The following MYLK4 variants were observed in gnomAD, a reference collection of about 807,000 sequenced individuals.
The protein encoded by MYLK4 is caMLCK like.
In MYLK4, 46 loss-of-function variants were observed where a neutral mutation model predicts 48.1. The ratio of observed to expected loss-of-function variants is 0.96; its 90% CI spans 0.75 to 1.22. The LOEUF (loss-of-function observed/expected upper bound fraction) is 1.22, where lower values mean the gene tolerates loss of function less well. Ranked by LOEUF, MYLK4 falls within the 50% of genes most tolerant of loss-of-function variation. The probability of loss-of-function intolerance (pLI) is 0.00; values close to 1 mark genes in which losing one functional copy is unlikely to be tolerated. For missense variants in MYLK4, 451 were observed against 486.1 expected (o/e 0.93, Z 0.68); for synonymous variants, 170 against 180.8 (o/e 0.94, Z 0.48).
chr6:2,674,268 A>T (rs953109866), intron 11 of MYLK4, among the ~76,000 whole-genome samples: 4 of 152,200 alleles, frequency 2.6e-5, no homozygotes, highest in African/African-American at 9.7e-5. Context: ...CCACACATAG[A>T]CTTGTATAGA....
chr6:2,718,254 C>T (rs1762943325), intron 2 of MYLK4, among the ~76,000 whole-genome samples: 1 of 151,672 alleles, frequency 6.6e-6, no homozygotes, highest in Admixed American at 6.6e-5. Context: ...GGTCTCCAAA[C>T]CTACACCAAG....
At chr6:2,689,613 C>T (rs1231391785) in intron 3 of MYLK4, among the ~76,000 whole-genome samples, 1 of 152,214 alleles carries the variant, frequency 6.6e-6, no homozygotes, top group East Asian at 1.9e-4. Flanking sequence ...TCAGCACCAG[C>T]TCTAACATAC....
chr6:2,766,998 C>T, the MYLK4 span, among the ~76,000 whole-genome samples: 2 of 152,086 alleles, frequency 1.3e-5, no homozygotes, highest in African/African-American at 2.4e-5. Flanking sequence ...ATTGATTTTA[C>T]TAAATATACT....
intron 2 of MYLK4, among the ~76,000 whole-genome samples, chr6:2,699,207 GATAATTTTACTT>G (rs1420321626): frequency 2.7e-5 from 4 of 150,912 alleles, no homozygotes; most frequent in Non-Finnish European, 5.9e-5. Flanking sequence ...AAGATGCACG[GATAATTTTACTT>G]TATTTTATTA....
chr6:2,687,051 C>T (rs1278558729), intron 4 of MYLK4, among the ~76,000 whole-genome samples: 2 of 152,150 alleles, frequency 1.3e-5, no homozygotes, highest in African/African-American at 4.8e-5. Flanking sequence ...ACAGTGATAA[C>T]CTTATGCTCA....
intron 2 of MYLK4, among the ~76,000 whole-genome samples, chr6:2,746,714 A>AG (rs1764105816): frequency 6.6e-6 from 1 of 152,218 alleles, no homozygotes; most frequent in East Asian, 1.9e-4. Flanking sequence ...ATGAGAGAGA[A>AG]AGGGGAATAG....
chr6:2,768,704 A>T, the MYLK4 span: 2 of 1,610,128 alleles, frequency 1.2e-6, no homozygotes, highest in African/African-American at 2.7e-5. Context: ...ACTCTGGCTC[A>T]CATCATAGCC....
the MYLK4 span, among the ~76,000 whole-genome samples, chr6:2,763,337 C>T: frequency 1.3e-5 from 2 of 152,276 alleles, no homozygotes; most frequent in Admixed American, 6.5e-5. Flanking sequence ...AATGAGCCTG[C>T]ATTGCTCAGC....
the MYLK4 span, chr6:2,768,687 C>T: frequency 3.8e-6 from 6 of 1,598,276 alleles, no homozygotes; most frequent in South Asian, 3.4e-5. Context: ...GTCATCTTTT[C>T]TAGACCACTC....
intron 2 of MYLK4, among the ~76,000 whole-genome samples, chr6:2,713,644 A>T (rs1311870060): frequency 6.6e-6 from 1 of 152,170 alleles, no homozygotes; most frequent in East Asian, 1.9e-4. Flanking sequence ...CCCTGGTATT[A>T]CGTTAAAGAG....
intron 2 of MYLK4, among the ~76,000 whole-genome samples, chr6:2,706,259 T>C (rs936914527): frequency 6.6e-6 from 1 of 152,210 alleles, no homozygotes; most frequent in Non-Finnish European, 1.5e-5. Context: ...GATTAATTTG[T>C]GTTAGGTATT....
At chr6:2,766,900 C>T in the MYLK4 span, among the ~76,000 whole-genome samples, 2 of 152,112 alleles carry the variant, frequency 1.3e-5, no homozygotes, top group Non-Finnish European at 2.9e-5. Context: ...GTTGTGCTTC[C>T]TTCCTTTTCC....
At chr6:2,676,042 A>T (rs942165623) in intron 10 of MYLK4, among the ~76,000 whole-genome samples, 1 of 151,754 alleles carries the variant, frequency 6.6e-6, no homozygotes, top group Admixed American at 6.6e-5. Flanking sequence ...CATTGAGCCA[A>T]GATCGTGCCA....
intron 2 of MYLK4, among the ~76,000 whole-genome samples, chr6:2,707,801 C>T (rs1762543308): frequency 2.6e-5 from 4 of 151,950 alleles, no homozygotes. Context: ...AAAATTGAGA[C>T]TTCAGATGCA....
chr6:2,674,362 A>C (rs1040134618), intron 11 of MYLK4, among the ~76,000 whole-genome samples: 2 of 152,122 alleles, frequency 1.3e-5, no homozygotes, highest in African/African-American at 2.4e-5. Context: ...TAGAATTCTG[A>C]ATTCTGTTTT....
At position 2,740,296 on chromosome 6, in the gene MYLK4, C is replaced by A. The variant is rs150847171; in HGVS notation, c.159+8840G>T. On this transcript the variant is annotated intron_variant, in intron 2 of 12. Transcript: ENST00000274643. ...TCTGCTCCAGCCAGTACTGTGGCAA[C>A]CAGCTCCATAGAGGTCTAGTCTGAA... 6.7e-3 allele frequency among the ~76,000 whole-genome samples: 1,022 copies of A among 152,366 alleles called. 4 individuals are homozygous for A. Among genetic ancestry groups the A allele is most frequent in the Non-Finnish European group, 0.011 (782 of 68,034 alleles).
chr6:2,732,324 C>T (rs1180470414), intron 2 of MYLK4, among the ~76,000 whole-genome samples: 2 of 152,116 alleles, frequency 1.3e-5, no homozygotes, highest in African/African-American at 2.4e-5. Context: ...ATGGCGCTAA[C>T]CCCATATTTC....
At chr6:2,707,706 CAA>C (rs1485241466) in intron 2 of MYLK4, among the ~76,000 whole-genome samples, 5 of 152,050 alleles carry the variant, frequency 3.3e-5, no homozygotes, top group Non-Finnish European at 7.4e-5. Context: ...CAATAAATGT[CAA>C]AGTCAAATGT....
chr6:2,723,138 A>G lies in MYLK4; in HGVS notation c.159+25998T>C, dbSNP rs145847081. 5.3e-4 allele frequency among the ~76,000 whole-genome samples: 81 copies of G among 152,226 alleles called. 1 individual carries two copies. The East Asian group carries it at 9.9e-3, about 19-fold the overall frequency. Reference sequence around the variant, plus strand: ...GAGATCCCATCTCTACAAAAACTCAAAAAAATTAGCTGGGCATGGTAGCGC... The same window carrying G: ...GAGATCCCATCTCTACAAAAACTCAGAAAAATTAGCTGGGCATGGTAGCGC... On this transcript the variant is annotated intron_variant, in intron 2 of 12. Transcript: ENST00000274643.
Sources: gnomAD v4.1 joint callset for allele counts (sites outside exome capture counted in the v4.1 genomes callset) on GRCh38, gnomAD v4.1.1 for gene constraint, MANE v1.5 for transcripts, NCBI Gene and HGNC (gene_info 2026-07-23, HGNC 2026-07-21) for gene names.